DNM3: variants seen among roughly 807,000 people sequenced by gnomAD.
The protein encoded by DNM3 is dynamin-3.
A neutral mutation model predicts 101.6 loss-of-function variants in DNM3; 47 were observed. That is an observed-to-expected ratio of 0.46 (90% CI 0.37 to 0.59). The LOEUF (loss-of-function observed/expected upper bound fraction) is 0.59. DNM3 is among the 20% of genes least tolerant of loss of function. The pLI, the probability that DNM3 is intolerant of heterozygous loss-of-function variation, is 0.00. For synonymous variants in DNM3, 385 were observed against 387.9 expected, an observed-to-expected ratio of 0.99 and a Z score of 0.09; for missense variants, 849 against 1,085.7, an observed-to-expected ratio of 0.78 and a Z score of 3.06.
At chr1:172,086,173 A>C (rs1411084834) in intron 12 of DNM3, among the ~76,000 whole-genome samples, 1 of 152,190 alleles carries the variant, frequency 6.6e-6, no homozygotes, top group East Asian at 1.9e-4. Context: ...CTTAACATGA[A>C]TCTTAGGAGG....
Position 172,365,017 on chromosome 1 carries a change from T to G in DNM3, c.1894-14001T>G, listed in dbSNP as rs903978169. Among the ~76,000 whole-genome samples the G allele has an allele frequency of 4.6e-5, 7 of 151,918 alleles. No individual in the cohort carries two copies. The East Asian group carries it at 1.4e-3, about 29-fold the overall frequency. On this transcript the variant is annotated intron_variant, in intron 17 of 20. Coordinates refer to ENST00000627582, the MANE Select transcript of DNM3 (RefSeq NM_015569.5). ...TCTTTATAAATTACTGAGTCTCAGG[T>G]ATTTCTTTATAACAACACAAGAATG...
At position 172,311,485 on chromosome 1, in the gene DNM3, G is replaced by T. The variant is rs186861116; in HGVS notation, c.1881+2646G>T. On this transcript the variant is annotated intron_variant, in intron 16 of 20. Coordinates refer to ENST00000627582, the MANE Select transcript of DNM3 (RefSeq NM_015569.5). ...TAGCCAGGCACGGTGGCACACACCT[G>T]TGATCCCAGCTACAAGGGATGCCAG... 5.9e-5 allele frequency among the ~76,000 whole-genome samples: 9 copies of T among 152,322 alleles called. No individual in the cohort carries two copies. In the East Asian group the frequency reaches 1.4e-3, roughly 23 times the overall value.
chr1:171,847,395 T>A lies in DNM3; in HGVS notation c.161+5578T>A, dbSNP rs10913843. On this transcript the variant is annotated intron_variant, in intron 1 of 20. Transcript: ENST00000627582. Reference sequence around the variant, plus strand: ...TATCATTTTAGCTCAAGCCTGCATGTACTGAAGTATCTATGTCAAAGCAGG... The same window carrying A: ...TATCATTTTAGCTCAAGCCTGCATGAACTGAAGTATCTATGTCAAAGCAGG... Among the ~76,000 whole-genome samples, 1,263 of 152,302 alleles carry A rather than the reference T, an allele frequency of 8.3e-3. 24 individuals carry two copies. The highest frequency in any genetic ancestry group is 0.029 in the African/African-American group (1,209 of 41,550).
At chr1:172,345,713 C>G (rs1181895385) in intron 17 of DNM3, among the ~76,000 whole-genome samples, 1 of 152,146 alleles carries the variant, frequency 6.6e-6, no homozygotes, top group South Asian at 2.1e-4. Context: ...CAGCATCATG[C>G]TTGATTCTGG....
At chr1:171,943,898 T>G (rs572368891) in intron 2 of DNM3, among the ~76,000 whole-genome samples, 163 of 152,334 alleles carry the variant, frequency 1.1e-3, no homozygotes, top group African/African-American at 3.8e-3. Context: ...GGCTGATTAC[T>G]AGTCTGGCTA....
chr1:172,046,661 A>G (rs1170667392), intron 9 of DNM3, among the ~76,000 whole-genome samples: 1 of 152,162 alleles, frequency 6.6e-6, no homozygotes, highest in Non-Finnish European at 1.5e-5. Flanking sequence ...GAAGAGGAGA[A>G]AACATCTATA....
chr1:172,043,857 G>T (rs1036017572), intron 8 of DNM3, among the ~76,000 whole-genome samples: 1 of 152,250 alleles, frequency 6.6e-6, no homozygotes, highest in Admixed American at 6.5e-5. Context: ...TAGATTTATG[G>T]TACCTAGCGC....
chr1:172,121,606 G>A (rs529772824), intron 13 of DNM3, among the ~76,000 whole-genome samples: 4 of 152,300 alleles, frequency 2.6e-5, no homozygotes, highest in Non-Finnish European at 4.4e-5. Context: ...GACTTGGGAA[G>A]TCCAGAAAAA....
At chr1:171,920,207 TCAGTGCAGCTAAACACTTGG>T (rs1477311510) in intron 1 of DNM3, among the ~76,000 whole-genome samples, 2 of 151,944 alleles carry the variant, frequency 1.3e-5, no homozygotes. Flanking sequence ...TTCCAAACTA[TCAGTGCAGCTAAACACTTGG>T]GTTTTGGAGC....
At chr1:172,076,395 G>C (rs1184106805) in intron 11 of DNM3, among the ~76,000 whole-genome samples, 1 of 152,190 alleles carries the variant, frequency 6.6e-6, no homozygotes, top group Non-Finnish European at 1.5e-5. Context: ...TCTTGTGCCA[G>C]TTTTCAAAGG....
intron 14 of DNM3, among the ~76,000 whole-genome samples, chr1:172,163,235 C>CTT (rs1001593846): frequency 7.5e-6 from 1 of 132,494 alleles, no homozygotes; most frequent in African/African-American, 2.8e-5. Context: ...GTGCAATATT[C>CTT]TTTTTTTGTT....
In DNM3 at chr1:172,131,156, G is replaced by C. The variant is rs1484046259; in HGVS notation, c.1546-19G>C. On this transcript the variant is annotated intron_variant, in intron 13 of 20. Coordinates refer to ENST00000627582, the MANE Select transcript of DNM3 (RefSeq NM_015569.5). ...TTTTGTTAAACTAAACACCTCTGCT[G>C]ATTTCTGCTTTTTCGTAGGTGATTC... 3.1e-6 allele frequency: 5 copies of C among 1,611,158 alleles called. No homozygotes were observed. The African/African-American group carries it at 6.7e-5, about 22-fold the overall frequency.
intron 17 of DNM3, among the ~76,000 whole-genome samples, chr1:172,373,078 A>G (rs1558057389): frequency 6.6e-6 from 1 of 152,120 alleles, no homozygotes; most frequent in African/African-American, 2.4e-5. Context: ...AAAAGTGTTT[A>G]TATGGATTAA....
intron 2 of DNM3, among the ~76,000 whole-genome samples, chr1:171,973,594 C>T (rs904255149): frequency 2.0e-5 from 3 of 151,542 alleles, no homozygotes; most frequent in Non-Finnish European, 4.4e-5. Context: ...GGAACTGAGG[C>T]TTGGGGAAGT....
intron 17 of DNM3, among the ~76,000 whole-genome samples, chr1:172,362,057 C>A (rs939518976): frequency 2.0e-5 from 3 of 151,930 alleles, no homozygotes; most frequent in Non-Finnish European, 4.4e-5. Flanking sequence ...AGAAGCCAAC[C>A]AGAAGAAGCT....
At chr1:172,405,568 G>A (rs904913140) in intron 20 of DNM3, among the ~76,000 whole-genome samples, 2 of 151,996 alleles carry the variant, frequency 1.3e-5, no homozygotes, top group East Asian at 3.9e-4. Flanking sequence ...AATCCATCAT[G>A]CCATGCTGTA....
intron 15 of DNM3, among the ~76,000 whole-genome samples, chr1:172,274,504 T>A (rs1406431051): frequency 2.0e-5 from 3 of 152,030 alleles, no homozygotes; most frequent in Non-Finnish European, 4.4e-5. Context: ...TAGTCTGGGG[T>A]AAAGATATCA....
At chr1:172,062,455 A>G (rs759449877) in intron 10 of DNM3, among the ~76,000 whole-genome samples, 1 of 152,098 alleles carries the variant, frequency 6.6e-6, no homozygotes, top group Non-Finnish European at 1.5e-5. Context: ...ATTCCTTAGC[A>G]TTTCATAAAT....
intron 1 of DNM3, among the ~76,000 whole-genome samples, chr1:171,909,429 C>T (rs1304284159): frequency 7.2e-6 from 1 of 138,198 alleles, no homozygotes; most frequent in African/African-American, 2.8e-5. Context: ...CAGAGTGAGA[C>T]TCTGTCTTAA....
Sources: allele counts gnomAD v4.1 joint callset (sites outside exome capture counted in the v4.1 genomes callset), GRCh38; gene constraint gnomAD v4.1.1; transcripts MANE v1.5; gene names NCBI Gene and HGNC (gene_info 2026-07-23, HGNC 2026-07-21).